RPS9: variants seen among roughly 807,000 people sequenced by gnomAD.
The protein encoded by RPS9 is ribosomal protein S9.
RPS9 carries 1 observed loss-of-function variant against 16.9 expected under a neutral mutation model. The observed-to-expected ratio is 0.06, with a 90% CI of 0.02 to 0.28. RPS9 has a LOEUF of 0.28. Among genes scored for constraint, RPS9 ranks in the 10% least tolerant of loss-of-function variants. RPS9 has a pLI of 1.00. For synonymous variants in RPS9, 106 were observed against 110.9 expected (o/e 0.96, Z 0.28); for missense variants, 137 against 273.2 (o/e 0.50, Z 3.51).
intron 4 of RPS9, 106 bp from the exon 5 acceptor site, chr19:54,207,292 C>A: frequency 1.0e-6 from 1 of 953,948 alleles, no homozygotes; most frequent in South Asian, 1.6e-5. Flanking sequence ...TTGGTGTCTG[C>A]AGCCGTGGCG....
At position 54,203,216 on chromosome 19, in the gene RPS9, G is replaced by A. The variant is rs925999026; in HGVS notation, c.220+1607G>A. 10 of 952,180 alleles carry A rather than the reference G, an allele frequency of 1.1e-5. No homozygotes were observed. The African/African-American group carries it at 1.6e-4, about 15-fold the overall frequency. 59.0% of individuals were successfully genotyped at this position (952,180 alleles called of 1,614,324 possible). On this transcript the variant is annotated intron_variant, in intron 3 of 4. Transcript: ENST00000302907. ...TGAGAAAGCGGTGCAGGTGTCTGAG[G>A]GTTATTTGTGGTTTTCCAAGGCAGA...
chr19:54,201,219 C>T lies in RPS9; in HGVS notation c.35C>T (p.Thr12Ile). 6.2e-7 allele frequency: 1 copy of T among 1,611,014 alleles called. No individual in the cohort carries two copies. The highest frequency in any genetic ancestry group is 8.5e-7 in the Non-Finnish European group (1 of 1,177,668). Reference protein sequence around the residue: ...PVARSWVCRKTYVTPRRPFEK... With the variant: ...PVARSWVCRKIYVTPRRPFEK... ...GCCCGGAGCTGGGTTTGTCGCAAAA[C>T]TTATGTGACCCCGCGGAGACCCTTC... is the stretch of plus-strand genomic sequence containing the variant. The change falls in exon 2 of 5, where the codon ACT becomes ATT. Residue 12 changes from threonine (T) to isoleucine (I), a missense_variant. Thr to Ile is a moderately conservative substitution (Grantham distance 89, BLOSUM62 -1). Coordinates refer to ENST00000302907, the MANE Select transcript of RPS9 (RefSeq NM_001013.4).
intron 3 of RPS9, 78 bp downstream of exon 3, chr19:54,201,687 C>T (rs973193785): frequency 1.3e-6 from 2 of 1,587,190 alleles, no homozygotes; most frequent in Non-Finnish European, 8.6e-7. Context: ...GCCTCTGTTC[C>T]AGTGATGAGA....
Position 54,201,328 on chromosome 19 carries a change from G to T in RPS9, c.97+47G>T, listed in dbSNP as rs1349559463. ...GAAGTGGTTCGGCTTCCGGGAGGCG[G>T]TTAGCACGTGGATGAAGGTGCCCAT... is the stretch of plus-strand genomic sequence containing the variant. On this transcript the variant is annotated intron_variant, in intron 2 of 4. Coordinates refer to ENST00000302907, the MANE Select transcript of RPS9 (RefSeq NM_001013.4). 5 of 1,613,466 alleles carry T rather than the reference G, an allele frequency of 3.1e-6. No homozygotes were observed. In the African/African-American group the frequency reaches 4.0e-5, roughly 13 times the overall value.
At chr19:54,205,848 ACT>A (rs2077222446) in intron 3 of RPS9, among the ~76,000 whole-genome samples, 1 of 152,008 alleles carries the variant, frequency 6.6e-6, no homozygotes, top group South Asian at 2.1e-4. Context: ...ACAGGGCCTC[ACT>A]CTGTCGCCCA....
At chr19:54,201,722 C>T (rs1234380166) in intron 3 of RPS9, 113 bp downstream of exon 3, 7 of 1,504,142 alleles carry the variant, frequency 4.7e-6, no homozygotes, top group South Asian at 2.6e-5. Flanking sequence ...TAAATGGAAC[C>T]AGCCTTCTAA....
At chr19:54,201,686 C>G in intron 3 of RPS9, 77 bp downstream of exon 3, 1 of 1,588,722 alleles carries the variant, frequency 6.3e-7, no homozygotes, top group East Asian at 2.3e-5. Flanking sequence ...TGCCTCTGTT[C>G]CAGTGATGAG....
At chr19:54,207,213 G>A (rs1275956144) in intron 4 of RPS9, 185 bp from the exon 5 acceptor site, 2 of 540,998 alleles carry the variant, frequency 3.7e-6, no homozygotes, top group Non-Finnish European at 6.5e-6. Context: ...AGCATTTTTG[G>A]GGATTAAGGT....
chr19:54,201,566 A>G lies in RPS9; in HGVS notation c.177A>G (p.Glu59=), dbSNP rs879204604. 1 of 1,614,112 alleles carries G rather than the reference A, an allele frequency of 6.2e-7. No homozygotes were observed. The highest frequency in any genetic ancestry group is 8.5e-7 in the Non-Finnish European group (1 of 1,180,014). Residue 59 remains glutamate (E), a synonymous_variant, in exon 3 of 5, where the codon GAA becomes GAG. Transcript: ENST00000302907. ...TLAKIRKAAR[E]LLTLDEKDPR... ...CCAAGATCCGCAAGGCCGCCCGGGA[A>G]CTGCTGACGCTTGATGAGAAGGACC...
Position 54,207,586 on chromosome 19 carries a change from C to T in RPS9, c.*11C>T. 4 of 1,588,024 alleles carry T rather than the reference C, an allele frequency of 2.5e-6. No homozygotes were observed. The South Asian group carries it at 4.5e-5, about 18-fold the overall frequency. The stretch of plus-strand genomic sequence containing the variant: ...GAGGAGGAGGATTAAGTCCACCTGT[C>T]CCTCCTGGGCTGCTGGATTGTCTCG... On this transcript the variant is annotated 3_prime_UTR_variant, in exon 5 of 5. Transcript: ENST00000302907.
At chr19:54,206,577 T>C in intron 4 of RPS9, 115 bp downstream of exon 4, 1 of 1,556,218 alleles carries the variant, frequency 6.4e-7, no homozygotes. Flanking sequence ...GGGTGTGAAC[T>C]CACCCAGAGG....
In RPS9 at chr19:54,201,994, G is replaced by A. The variant is rs141454768; in HGVS notation, c.220+385G>A. The A allele has an allele frequency of 1.6e-3, 318 of 200,842 alleles. 8 individuals are homozygous for A. In the East Asian group the frequency reaches 0.033, roughly 21 times the overall value. The allele number at this position is 200,842 out of a possible 1,614,324, so 12.4% of individuals were successfully genotyped here. Reference sequence around the variant, plus strand: ...ATAACAGGGTTTGCACATTTGCTTGGTTTATTGTTTTTTTAATTAAGTTTT... The same window carrying A: ...ATAACAGGGTTTGCACATTTGCTTGATTTATTGTTTTTTTAATTAAGTTTT... On this transcript the variant is annotated intron_variant, in intron 3 of 4. Transcript: ENST00000302907.
chr19:54,202,873 C>T, intron 3 of RPS9: 1 of 985,368 alleles, frequency 1.0e-6, no homozygotes, highest in Non-Finnish European at 1.2e-6. Context: ...GAAGCTTTTT[C>T]TTTAAATAGG....
chr19:54,201,088 G>A (rs897237032), intron 1 of RPS9, 72 bp from the exon 2 acceptor site: 2 of 1,578,850 alleles, frequency 1.3e-6, no homozygotes, highest in Non-Finnish European at 1.7e-6. Flanking sequence ...GGCTCCGCGA[G>A]GTTTTGGCGT....
At chr19:54,206,771 C>G in intron 4 of RPS9, 1 of 1,424,974 alleles carries the variant, frequency 7.0e-7, no homozygotes, top group Non-Finnish European at 9.2e-7. Context: ...CCAGCCTCAC[C>G]TCGCTTGGGT....
intron 3 of RPS9, among the ~76,000 whole-genome samples, chr19:54,204,238 G>T (rs2077164301): frequency 6.6e-6 from 1 of 152,142 alleles, no homozygotes; most frequent in Non-Finnish European, 1.5e-5. Flanking sequence ...TACAAAATTA[G>T]CGGGGCGTGG....
intron 2 of RPS9, 77 bp downstream of exon 2, chr19:54,201,358 T>C: frequency 6.2e-7 from 1 of 1,610,012 alleles, no homozygotes; most frequent in Non-Finnish European, 8.5e-7. Context: ...GCCCATGTAC[T>C]CTATCTAGTC....
intron 4 of RPS9, 148 bp downstream of exon 4, chr19:54,206,610 A>T: frequency 6.4e-7 from 1 of 1,551,690 alleles, no homozygotes; most frequent in South Asian, 1.2e-5. Flanking sequence ...CCTTGCACAC[A>T]GCTCACCAGG....
In RPS9 at chr19:54,207,409, A is replaced by G; in HGVS notation, c.419A>G (p.Gln140Arg). The change falls in exon 5 of 5, where the codon CAG becomes CGG. Residue 140 changes from glutamine (Q) to arginine (R), a missense_variant. This residue lies in a region of RPS9 where 54 missense variants were observed against 90.9 expected (regional missense o/e 0.59). Coordinates refer to ENST00000302907, the MANE Select transcript of RPS9 (RefSeq NM_001013.4). ...IRQRHIRVRK[Q>R]VVNIPSFIVR... is the part of the protein sequence containing the mutation. ...GTCGCTGCTTCCAGGGTCCGCAAGC[A>G]GGTGGTGAACATCCCGTCCTTCATT... 6.2e-7 allele frequency: 1 copy of G among 1,611,658 alleles called. No homozygotes were observed. The highest frequency in any genetic ancestry group is 1.3e-5 in the African/African-American group (1 of 74,972).
Sources: gnomAD v4.1 joint callset for allele counts (sites outside exome capture counted in the v4.1 genomes callset) on GRCh38, gnomAD v4.1.1 for gene constraint, gnomAD v4.1.1 regional missense constraint, MANE v1.5 for transcripts, NCBI Gene and HGNC (gene_info 2026-07-23, HGNC 2026-07-21) for gene names.